The following TTC7B variants were observed in gnomAD, a reference collection of about 807,000 sequenced individuals.
The protein encoded by TTC7B is tetratricopeptide repeat protein 7B.
In TTC7B, 28 loss-of-function variants were observed where a neutral mutation model predicts 106.8. That is an observed-to-expected ratio of 0.26 (90% CI 0.19 to 0.36). The LOEUF (loss-of-function observed/expected upper bound fraction) is 0.36, where lower values mean the gene tolerates loss of function less well. Ranked by LOEUF, TTC7B falls within the 10% of genes least tolerant of loss-of-function variation. TTC7B has a pLI of 1.00. For missense variants in TTC7B, 862 were observed against 1,076.4 expected (o/e 0.80, Z 2.79); for synonymous variants, 405 against 430.6 (o/e 0.94, Z 0.74).
At chr14:90,647,185 T>C in intron 13 of TTC7B, 162 bp from the exon 14 acceptor site, 2 of 643,160 alleles carry the variant, frequency 3.1e-6, no homozygotes, top group Admixed American at 2.5e-5. Context: ...CACCTACACA[T>C]GTAAACCATT....
chr14:90,594,852 A>C (rs1489954827), intron 17 of TTC7B, among the ~76,000 whole-genome samples: 1 of 152,218 alleles, frequency 6.6e-6, no homozygotes, highest in East Asian at 1.9e-4. Context: ...CATCCATATT[A>C]TGTTTTGATT....
chr14:90,719,154 C>T (rs12896077), intron 5 of TTC7B, among the ~76,000 whole-genome samples: 57,950 of 151,866 alleles, frequency 0.38, 11,281 homozygotes, highest in African/African-American at 0.44. Context: ...CACGCACCTG[C>T]AGTCCCAGCT....
At chr14:90,597,876 T>G (rs1892273678) in intron 17 of TTC7B, among the ~76,000 whole-genome samples, 2 of 152,178 alleles carry the variant, frequency 1.3e-5, no homozygotes, top group African/African-American at 4.8e-5. Flanking sequence ...GAGAGCACTA[T>G]TAACTTAAGG....
At chr14:90,787,002 T>G (rs1413895944) in intron 1 of TTC7B, among the ~76,000 whole-genome samples, 1 of 152,190 alleles carries the variant, frequency 6.6e-6, no homozygotes, top group Non-Finnish European at 1.5e-5. Flanking sequence ...TTACGTATTT[T>G]CAAGAGTGGC....
At chr14:90,770,275 G>A (rs1209211135) in intron 3 of TTC7B, among the ~76,000 whole-genome samples, 2 of 152,174 alleles carry the variant, frequency 1.3e-5, no homozygotes, top group East Asian at 3.8e-4. Context: ...AATACATGAA[G>A]CAAAAAATTC....
chr14:90,770,408 T>G (rs8021367), intron 3 of TTC7B, among the ~76,000 whole-genome samples: 42,062 of 151,894 alleles, frequency 0.28, 9,634 homozygotes, highest in African/African-American at 0.64. Flanking sequence ...TGTAATCCCA[T>G]CACTTTAGGA....
At chr14:90,602,702 G>GA (rs77011716) in intron 17 of TTC7B, among the ~76,000 whole-genome samples, 16,588 of 124,668 alleles carry the variant, frequency 0.13, 936 homozygotes, top group Non-Finnish European at 0.15. Flanking sequence ...GTCTCAAAAA[G>GA]AAAAAAAAAA....
intron 6 of TTC7B, among the ~76,000 whole-genome samples, chr14:90,695,094 TA>T (rs1887675337): frequency 7.5e-6 from 1 of 133,114 alleles, no homozygotes; most frequent in African/African-American, 2.7e-5. Context: ...TATTATAAAA[TA>T]TATTTTATTT....
intron 4 of TTC7B, among the ~76,000 whole-genome samples, chr14:90,735,769 G>C (rs1007580147): frequency 6.6e-6 from 1 of 151,472 alleles, no homozygotes; most frequent in African/African-American, 2.4e-5. Flanking sequence ...AATAGGAAGA[G>C]GGTCATAGAT....
intron 19 of TTC7B, among the ~76,000 whole-genome samples, chr14:90,542,452 C>T (rs911476690): frequency 6.6e-6 from 1 of 152,098 alleles, no homozygotes; most frequent in African/African-American, 2.4e-5. Flanking sequence ...ATTGCGTTTC[C>T]AAGCTGCGCA....
chr14:90,550,636 T>C (rs890410356), intron 19 of TTC7B, among the ~76,000 whole-genome samples: 2 of 152,232 alleles, frequency 1.3e-5, no homozygotes, highest in African/African-American at 4.8e-5. Context: ...ATTCCTCAGT[T>C]GACACTATTA....
In TTC7B at chr14:90,529,513, G is replaced by A. The variant is rs1244167121; in HGVS notation, c.*11855C>T. On this transcript the variant is annotated 3_prime_UTR_variant, in exon 20 of 20. Transcript: ENST00000328459. ...TACCCTAAGATAGATAATCAGAGAT[G>A]CTAGGAGAAAACATGAGCATGTGAG... is the stretch of plus-strand genomic sequence containing the variant. The A allele has an allele frequency of 2.6e-5, 4 of 152,236 alleles. No individual in the cohort carries two copies. The highest frequency in any genetic ancestry group is 5.9e-5 in the Non-Finnish European group (4 of 68,046). 9.4% of individuals were successfully genotyped at this position (152,236 alleles called of 1,614,324 possible).
chr14:90,588,777 A>G (rs566138691), intron 18 of TTC7B, among the ~76,000 whole-genome samples: 5 of 152,344 alleles, frequency 3.3e-5, no homozygotes, highest in African/African-American at 1.2e-4. Flanking sequence ...TTTTAGGAAA[A>G]GAAACCATAA....
Position 90,577,027 on chromosome 14 carries a change from G to A in TTC7B, c.2310+1079C>T, listed in dbSNP as rs1247386264. 6.6e-6 allele frequency among the ~76,000 whole-genome samples: 1 copy of A among 152,130 alleles called. No homozygotes were observed. The highest frequency in any genetic ancestry group is 1.5e-5 in the Non-Finnish European group (1 of 68,026). ...CTGATGTCGCTGGGACCAGAACTGT[G>A]TCCTCAGACTCCCTGTCCAGTGCTC... On this transcript the variant is annotated intron_variant, in intron 19 of 19. Transcript: ENST00000328459. The surrounding 1 kb of genome is among the most constrained non-coding windows in gnomAD (Gnocchi z 5.0).
Position 90,786,159 on chromosome 14 carries a change from A to G in TTC7B, c.276+15T>C. 2 of 1,524,546 alleles carry G rather than the reference A, an allele frequency of 1.3e-6. No individual in the cohort carries two copies. Among genetic ancestry groups the G allele is most frequent in the Non-Finnish European group, 1.8e-6 (2 of 1,139,878 alleles). 94.4% of individuals were successfully genotyped at this position (1,524,546 alleles called of 1,614,324 possible). ...TCCAAAGGAAGTGTCGCCTCAGCCC[A>G]GAGGCCCATGGTACCTTAAGGTTCC... On this transcript the variant is annotated intron_variant, in intron 2 of 19. Transcript: ENST00000328459.
At chr14:90,678,982 G>A (rs533420112) in intron 8 of TTC7B, among the ~76,000 whole-genome samples, 131 of 152,318 alleles carry the variant, frequency 8.6e-4, no homozygotes, top group African/African-American at 3.0e-3. Context: ...TTGGGATGAG[G>A]GAATGCTGAC....
At chr14:90,694,691 A>T (rs1161806010) in intron 6 of TTC7B, among the ~76,000 whole-genome samples, 1 of 140,726 alleles carries the variant, frequency 7.1e-6, no homozygotes, top group East Asian at 2.0e-4. Context: ...TTATTTTATT[A>T]TAAAATATAT....
intron 17 of TTC7B, among the ~76,000 whole-genome samples, chr14:90,607,069 G>A (rs1892671550): frequency 6.6e-6 from 1 of 152,214 alleles, no homozygotes; most frequent in Non-Finnish European, 1.5e-5. Flanking sequence ...AGGAGAGAGA[G>A]ATCGAATGAG....
intron 11 of TTC7B, among the ~76,000 whole-genome samples, chr14:90,656,565 C>G (rs1330874797): frequency 1.3e-5 from 2 of 152,172 alleles, no homozygotes; most frequent in Non-Finnish European, 2.9e-5. Context: ...TATAGGGTGA[C>G]TCCTTGCTCT....
Sources: gnomAD v4.1 joint callset for allele counts (sites outside exome capture counted in the v4.1 genomes callset) on GRCh38, gnomAD v4.1.1 for gene constraint, Gnocchi (gnomAD v3.1) non-coding constraint, MANE v1.5 for transcripts, NCBI Gene and HGNC (gene_info 2026-07-23, HGNC 2026-07-21) for gene names.